The following DSCAM variants were observed in gnomAD, a reference collection of about 807,000 sequenced individuals.
DSCAM encodes cell adhesion molecule DSCAM.
In DSCAM, 47 loss-of-function variants were observed where a neutral mutation model predicts 217.7. The observed-to-expected ratio is 0.22, with a 90% CI of 0.17 to 0.28. DSCAM has a LOEUF of 0.28. Ranked by LOEUF, DSCAM falls within the 10% of genes least tolerant of loss-of-function variation. The pLI, the probability that DSCAM is intolerant of heterozygous loss-of-function variation, is 1.00. For missense variants in DSCAM, 2,080 were observed against 2,618.3 expected, an observed-to-expected ratio of 0.79 and a Z score of 4.49; for synonymous variants, 1,056 against 1,015.3, an observed-to-expected ratio of 1.04 and a Z score of -0.76.
chr21:40,235,572 G>A (rs910255987), intron 11 of DSCAM, among the ~76,000 whole-genome samples: 3 of 151,942 alleles, frequency 2.0e-5, no homozygotes, highest in African/African-American at 7.3e-5. Flanking sequence ...AGGACCATTC[G>A]GAAGAAAGAA....
At chr21:40,203,902 A>C (rs1221641283) in intron 11 of DSCAM, among the ~76,000 whole-genome samples, 1 of 152,222 alleles carries the variant, frequency 6.6e-6, no homozygotes, top group Non-Finnish European at 1.5e-5. Flanking sequence ...GGTTTTTATA[A>C]AGGTTGAGCA....
chr21:40,680,460 C>T (rs9976262), intron 3 of DSCAM, among the ~76,000 whole-genome samples: 63,099 of 152,070 alleles, frequency 0.41, 13,927 homozygotes, highest in East Asian at 0.58. Flanking sequence ...CCAGGCTCCT[C>T]TGAGTGCAAA....
intron 1 of DSCAM, among the ~76,000 whole-genome samples, chr21:40,819,248 TTC>T (rs1460394963): frequency 6.6e-6 from 1 of 152,190 alleles, no homozygotes; most frequent in African/African-American, 2.4e-5. Flanking sequence ...ACCAGAAAAA[TTC>T]TCTTTCAGCT....
chr21:40,093,902 C>G (rs778248238), intron 20 of DSCAM, 28 bp from the exon 21 acceptor site: 18 of 1,597,792 alleles, frequency 1.1e-5, no homozygotes, highest in Non-Finnish European at 1.4e-5. Flanking sequence ...AGTGTTCCCA[C>G]ATTCAAAGAA....
intron 3 of DSCAM, among the ~76,000 whole-genome samples, chr21:40,471,319 T>C (rs1569137095): frequency 6.6e-6 from 1 of 152,204 alleles, no homozygotes; most frequent in Non-Finnish European, 1.5e-5. Flanking sequence ...TGAACTTCAC[T>C]AGGTAGAGGC....
intron 3 of DSCAM, among the ~76,000 whole-genome samples, chr21:40,553,411 T>C (rs2076645551): frequency 6.6e-6 from 1 of 152,232 alleles, no homozygotes; most frequent in Non-Finnish European, 1.5e-5. Flanking sequence ...GGTGATAATG[T>C]GGAAATCCAC....
intron 16 of DSCAM, among the ~76,000 whole-genome samples, chr21:40,157,583 A>G (rs1212310134): frequency 6.6e-6 from 1 of 152,234 alleles, no homozygotes; most frequent in Non-Finnish European, 1.5e-5. Flanking sequence ...TGCAGTAACA[A>G]TGGAGCTCCA....
intron 3 of DSCAM, among the ~76,000 whole-genome samples, chr21:40,633,272 C>T (rs766186105): frequency 6.6e-6 from 1 of 152,154 alleles, no homozygotes; most frequent in Non-Finnish European, 1.5e-5. Flanking sequence ...CACATGGTCA[C>T]GTGAAGGAAT....
intron 19 of DSCAM, among the ~76,000 whole-genome samples, chr21:40,126,013 G>A (rs543521143): frequency 6.6e-6 from 1 of 152,270 alleles, no homozygotes; most frequent in Admixed American, 6.5e-5. Context: ...TGCTGAAGAG[G>A]AGTCAGTTGT....
chr21:40,321,601 T>A (rs1259454911), intron 8 of DSCAM, among the ~76,000 whole-genome samples: 1 of 151,658 alleles, frequency 6.6e-6, no homozygotes, highest in Non-Finnish European at 1.5e-5. Context: ...TTCAATTGTG[T>A]CCTAACTGGT....
At chr21:40,356,920 T>G (rs2074699533) in intron 4 of DSCAM, among the ~76,000 whole-genome samples, 1 of 152,214 alleles carries the variant, frequency 6.6e-6, no homozygotes, top group Non-Finnish European at 1.5e-5. Flanking sequence ...CTGAAATGTC[T>G]TGGCTTTCTA....
chr21:40,336,480 T>C (rs1353025275), intron 8 of DSCAM, among the ~76,000 whole-genome samples: 1 of 152,256 alleles, frequency 6.6e-6, no homozygotes, highest in Non-Finnish European at 1.5e-5. Context: ...TGATATTGTA[T>C]AACAAATTGT....
At chr21:40,533,692 T>G (rs547260472) in intron 3 of DSCAM, among the ~76,000 whole-genome samples, 2 of 149,152 alleles carry the variant, frequency 1.3e-5, no homozygotes, top group South Asian at 4.3e-4. Flanking sequence ...CATCCATCCA[T>G]CCATTCATCC....
At chr21:40,225,689 T>C (rs914739846) in intron 11 of DSCAM, among the ~76,000 whole-genome samples, 2 of 152,170 alleles carry the variant, frequency 1.3e-5, no homozygotes, top group East Asian at 3.9e-4. Context: ...GTTGCTTCCC[T>C]ATCCCTACCT....
intron 2 of DSCAM, among the ~76,000 whole-genome samples, chr21:40,700,068 G>A (rs921807526): frequency 5.3e-5 from 8 of 152,174 alleles, no homozygotes; most frequent in Non-Finnish European, 2.9e-5. Flanking sequence ...CTAAGATGAA[G>A]TCAATGCTCA....
chr21:40,232,431 C>T (rs189384682), intron 11 of DSCAM, among the ~76,000 whole-genome samples: 24 of 152,202 alleles, frequency 1.6e-4, no homozygotes, highest in African/African-American at 5.8e-4. Context: ...CACCTTAGAA[C>T]AGACAGGGAT....
intron 3 of DSCAM, among the ~76,000 whole-genome samples, chr21:40,532,415 G>A (rs1172008746): frequency 6.6e-6 from 1 of 152,122 alleles, no homozygotes; most frequent in Non-Finnish European, 1.5e-5. Context: ...TGAATGAGCA[G>A]ACAACATGAA....
rs528788778 is a variant in DSCAM at position 40,580,145 on chromosome 21, G to A, written c.508+112665C>T. Among the ~76,000 whole-genome samples the A allele has an allele frequency of 3.8e-3, 578 of 150,906 alleles. 3 individuals carry two copies. Among genetic ancestry groups the A allele is most frequent in the Non-Finnish European group, 2.5e-3 (170 of 67,830 alleles). ...TGCCCAAGCTGGAGTGCAGTGGCGC[G>A]ATCTCGGCTCACTGCAAGCTCTGCC... On this transcript the variant is annotated intron_variant, in intron 3 of 32. Transcript: ENST00000400454.
At chr21:40,677,656 T>C (rs942861753) in intron 3 of DSCAM, among the ~76,000 whole-genome samples, 1 of 152,196 alleles carries the variant, frequency 6.6e-6, no homozygotes, top group African/African-American at 2.4e-5. Flanking sequence ...TGTTGAAACC[T>C]AAACCTCAAT....
Sources: gnomAD v4.1 joint callset for allele counts (sites outside exome capture counted in the v4.1 genomes callset) on GRCh38, gnomAD v4.1.1 for gene constraint, MANE v1.5 for transcripts, NCBI Gene and HGNC (gene_info 2026-07-23, HGNC 2026-07-21) for gene names.